TCF20: variants seen among roughly 807,000 people sequenced by gnomAD.
The protein encoded by TCF20 is SPRE-binding protein.
Under a neutral mutation model 148.6 loss-of-function variants are expected in TCF20, and 3 were observed. The observed-to-expected ratio is 0.02, with a 90% CI of 0.01 to 0.05. TCF20 has a LOEUF of 0.05. TCF20 is among the 10% of genes least tolerant of loss of function. The probability of loss-of-function intolerance (pLI) is 1.00; values close to 1 mark genes in which losing one functional copy is unlikely to be tolerated. For missense variants in TCF20, 2,350 were observed against 2,429.3 expected (o/e 0.97, Z 0.69); for synonymous variants, 1,049 against 909.5 (o/e 1.15, Z -2.76).
upstream of TCF20, among the ~76,000 whole-genome samples, chr22:42,271,100 T>C (rs1421534137): frequency 6.6e-6 from 1 of 151,836 alleles, no homozygotes; most frequent in African/African-American, 2.4e-5. Context: ...GTGACCTGTT[T>C]AGTGGGGTCG....
chr22:42,252,294 G>GA (rs1044194682), intron 1 of TCF20, among the ~76,000 whole-genome samples: 7 of 148,690 alleles, frequency 4.7e-5, no homozygotes, highest in South Asian at 2.1e-4. Flanking sequence ...AAAAAAAAAA[G>GA]AAAAAAATAA....
In TCF20 at chr22:42,160,024, T is replaced by C. The variant is rs922244204; in HGVS notation, c.*1379A>G. On this transcript the variant is annotated 3_prime_UTR_variant, in exon 6 of 6. Coordinates refer to ENST00000677622, the MANE Select transcript of TCF20 (RefSeq NM_001378418.1). ...AACAGAAGAGGAAACAAGGTTAAAA[T>C]GAAGTTTATTATTTTTTTGATTTTT... The C allele has an allele frequency of 3.9e-5, 6 of 152,742 alleles. No homozygotes were observed. The East Asian group carries it at 1.2e-3, about 29-fold the overall frequency. 9.5% of individuals were successfully genotyped at this position (152,742 alleles called of 1,614,324 possible).
Position 42,215,307 on chromosome 22 carries a change from C to CTGT in TCF20, c.-5_-3dup, listed in dbSNP as rs1370033107. 6.2e-7 allele frequency: 1 copy of CTGT among 1,609,216 alleles called. No individual in the cohort carries two copies. Among genetic ancestry groups the CTGT allele is most frequent in the Non-Finnish European group, 8.5e-7 (1 of 1,176,446 alleles). ...GCTTTGCTCCCGAAAGGACTGCATA[C>CTGT]TGTTCAGCAGCACAGCAGCAGGCCA... On this transcript the variant is annotated 5_prime_UTR_variant, in exon 2 of 6. Coordinates refer to ENST00000677622, the MANE Select transcript of TCF20 (RefSeq NM_001378418.1).
intron 1 of TCF20, among the ~76,000 whole-genome samples, chr22:42,337,663 C>T (rs1367056630): frequency 1.3e-5 from 2 of 152,236 alleles, no homozygotes; most frequent in Non-Finnish European, 2.9e-5. Context: ...GAGAAAGAAA[C>T]ACAACTCAAA....
intron 1 of TCF20, among the ~76,000 whole-genome samples, chr22:42,298,327 G>A (rs1050143651): frequency 2.0e-5 from 3 of 152,202 alleles, no homozygotes; most frequent in Non-Finnish European, 4.4e-5. Flanking sequence ...GGGCACATGG[G>A]CGATTGACCC....
Position 42,215,172 on chromosome 22 carries a change from C to T in TCF20, c.134G>A (p.Gly45Asp), listed in dbSNP as rs1921612252. The T allele has an allele frequency of 6.2e-7, 1 of 1,614,084 alleles. No homozygotes were observed. Among genetic ancestry groups the T allele is most frequent in the South Asian group, 1.1e-5 (1 of 91,094 alleles). ...AQMFQNFGGT[G>D]GSSGSSGSGS... is the part of the protein sequence containing the mutation. ...ACTGCCACTGCTGCCACTACTGCCA[C>T]CTGTACCTCCAAAATTCTGGAACAT... The change falls in exon 2 of 6, where the codon GGT becomes GAT. Residue 45 changes from glycine (G) to aspartate (D), a missense_variant. By Grantham distance (94) the Gly-to-Asp change is moderately conservative. Around this residue, in one of 7 missense-constraint regions of TCF20, gnomAD observed 1,641 missense variants for 1,662.6 expected, o/e 0.99. Coordinates refer to ENST00000677622, the MANE Select transcript of TCF20 (RefSeq NM_001378418.1).
intron 1 of TCF20, among the ~76,000 whole-genome samples, chr22:42,328,801 C>T (rs988937897): frequency 1.3e-5 from 2 of 152,216 alleles, no homozygotes; most frequent in African/African-American, 4.8e-5. Flanking sequence ...AAAGCTTGCC[C>T]CAGACGGGGG....
chr22:42,312,627 G>T (rs1927556296), intron 1 of TCF20, among the ~76,000 whole-genome samples: 1 of 152,052 alleles, frequency 6.6e-6, no homozygotes, highest in Non-Finnish European at 1.5e-5. Flanking sequence ...GTGTGGAGTG[G>T]GCTGTGGGGA....
chr22:42,224,428 C>G lies in TCF20; in HGVS notation c.-36-9087G>C, dbSNP rs1922663655. Among the ~76,000 whole-genome samples the G allele has an allele frequency of 5.3e-5, 8 of 150,310 alleles. No individual in the cohort carries two copies. In the South Asian group the frequency reaches 1.7e-3, roughly 32 times the overall value. On this transcript the variant is annotated intron_variant, in intron 1 of 5. Coordinates refer to ENST00000677622, the MANE Select transcript of TCF20 (RefSeq NM_001378418.1). ...CAGAGATTGCAGTGAGATCGCACCACTGCACTCCAGCCTGGGCAACAAGCG... is the reference window on the plus strand; with the variant it reads ...CAGAGATTGCAGTGAGATCGCACCAGTGCACTCCAGCCTGGGCAACAAGCG...
intron 1 of TCF20, among the ~76,000 whole-genome samples, chr22:42,264,806 A>G (rs186552540): frequency 2.6e-5 from 4 of 152,290 alleles, no homozygotes; most frequent in African/African-American, 9.6e-5. Context: ...GCCCACCATC[A>G]CATTTCCCAT....
intron 2 of TCF20, among the ~76,000 whole-genome samples, chr22:42,182,796 GCA>G (rs1185598099): frequency 1.3e-5 from 2 of 152,190 alleles, no homozygotes; most frequent in East Asian, 3.9e-4. Context: ...GAGTGCAGTG[GCA>G]CAGTCTTGGC....
chr22:42,265,651 A>G (rs1926245985), intron 1 of TCF20, among the ~76,000 whole-genome samples: 1 of 152,250 alleles, frequency 6.6e-6, no homozygotes, highest in South Asian at 2.1e-4. Context: ...GACAGAATGA[A>G]TGAGTACTAA....
Position 42,299,979 on chromosome 22 carries a change from G to A in TCF20, c.-37+43500C>T, listed in dbSNP as rs1264003298. On this transcript the variant is annotated intron_variant, in intron 1 of 1. Coordinates refer to the TCF20 transcript ENST00000515426. The surrounding 1 kb of genome is among the most constrained non-coding windows in gnomAD (Gnocchi z 4.1). ...GGAAGGGCGGGGAGGGGGAGGGGGAGGGGCGCGCTGAAATCACCCGCAACA... is the reference window on the plus strand; with the variant it reads ...GGAAGGGCGGGGAGGGGGAGGGGGAAGGGCGCGCTGAAATCACCCGCAACA... Among the ~76,000 whole-genome samples the A allele has an allele frequency of 2.7e-5, 4 of 146,698 alleles. No individual in the cohort carries two copies. The highest frequency in any genetic ancestry group is 2.0e-4 in the Admixed American group (3 of 14,684).
At chr22:42,204,635 A>C (rs1043092454) in intron 2 of TCF20, among the ~76,000 whole-genome samples, 3 of 152,210 alleles carry the variant, frequency 2.0e-5, no homozygotes, top group African/African-American at 7.2e-5. Flanking sequence ...ACTTGAGATC[A>C]GGAGTTTGAG....
chr22:42,234,043 A>C (rs1164267314), intron 1 of TCF20, among the ~76,000 whole-genome samples: 1 of 152,224 alleles, frequency 6.6e-6, no homozygotes, highest in African/African-American at 2.4e-5. Context: ...AAACATGAAA[A>C]CTTACTTTCC....
At chr22:42,268,168 G>T (rs972655056) in intron 1 of TCF20, among the ~76,000 whole-genome samples, 6 of 143,270 alleles carry the variant, frequency 4.2e-5, no homozygotes, top group African/African-American at 1.6e-4. Context: ...AATAAAAGGG[G>T]ATTTAATTTT....
intron 2 of TCF20, among the ~76,000 whole-genome samples, chr22:42,206,252 G>A (rs948387294): frequency 1.3e-5 from 2 of 152,106 alleles, no homozygotes; most frequent in Non-Finnish European, 2.9e-5. Context: ...ATACACATAT[G>A]CACATCAAAA....
At chr22:42,298,148 T>C (rs1927268721) in intron 1 of TCF20, among the ~76,000 whole-genome samples, 1 of 152,172 alleles carries the variant, frequency 6.6e-6, no homozygotes, top group South Asian at 2.1e-4. Flanking sequence ...AGGGCCCTGG[T>C]GCTCCTATCA....
chr22:42,283,431 G>GC (rs1926954604), intron 1 of TCF20, among the ~76,000 whole-genome samples: 1 of 152,074 alleles, frequency 6.6e-6, no homozygotes, highest in Non-Finnish European at 1.5e-5. Flanking sequence ...GGACGGGGGC[G>GC]GGCACTCGGC....
Sources: allele counts gnomAD v4.1 joint callset (sites outside exome capture counted in the v4.1 genomes callset), GRCh38; gene constraint gnomAD v4.1.1; regional missense constraint gnomAD v4.1.1; non-coding constraint Gnocchi (gnomAD v3.1); transcripts MANE v1.5; gene names NCBI Gene and HGNC (gene_info 2026-07-23, HGNC 2026-07-21).